The following PRPF4 variants were observed in gnomAD, a reference collection of about 807,000 sequenced individuals.
PRPF4 encodes U4/U6 small nuclear ribonucleoprotein Prp4.
Under a neutral mutation model 72.2 loss-of-function variants are expected in PRPF4, and 14 were observed. The observed-to-expected ratio is 0.19, with a 90% CI of 0.13 to 0.30. The LOEUF (loss-of-function observed/expected upper bound fraction) is 0.30, where lower values mean the gene tolerates loss of function less well. Ranked by LOEUF, PRPF4 falls within the 10% of genes least tolerant of loss-of-function variation. PRPF4 has a pLI of 1.00. For synonymous variants in PRPF4, 225 were observed against 232.2 expected (o/e 0.97, Z 0.28); for missense variants, 478 against 653.9 (o/e 0.73, Z 2.93).
In PRPF4 at chr9:113,288,282, T is replaced by C. The variant is rs777825249; in HGVS notation, c.1022+18T>C. The C allele has an allele frequency of 1.2e-6, 2 of 1,611,428 alleles. No individual in the cohort carries two copies. On this transcript the variant is annotated intron_variant, in intron 10 of 13. Coordinates refer to ENST00000374198, the MANE Select transcript of PRPF4 (RefSeq NM_001244926.2). ...ACCACCTGGTGAGCCATCCTGTTAT[T>C]GTTTTATCCATATAGGCCTGTAGCA... is the stretch of plus-strand genomic sequence containing the variant.
chr9:113,284,197 A>C, intron 6 of PRPF4, 98 bp from the exon 7 acceptor site: 1 of 918,684 alleles, frequency 1.1e-6, no homozygotes, highest in Non-Finnish European at 1.7e-6. Context: ...GTTAAAACTG[A>C]AAAGCTGCTT....
At chr9:113,282,814 T>G in intron 4 of PRPF4, 81 bp downstream of exon 4, 1 of 1,229,346 alleles carries the variant, frequency 8.1e-7, no homozygotes, top group Admixed American at 2.2e-5. Context: ...TTCAATGGTT[T>G]GTTTTGCTGA....
intron 10 of PRPF4, among the ~76,000 whole-genome samples, chr9:113,288,737 A>G (rs1210391539): frequency 1.3e-5 from 2 of 152,088 alleles, no homozygotes; most frequent in African/African-American, 4.8e-5. Flanking sequence ...GCGCCCAGCC[A>G]TATTTGCCTT....
At chr9:113,281,921 G>A (rs1195623640) in intron 3 of PRPF4, among the ~76,000 whole-genome samples, 1 of 152,064 alleles carries the variant, frequency 6.6e-6, no homozygotes, top group Non-Finnish European at 1.5e-5. Context: ...GTTTCCCCAG[G>A]ACTAAGCTAC....
chr9:113,287,541 G>T (rs886710188), intron 9 of PRPF4, among the ~76,000 whole-genome samples: 7 of 150,914 alleles, frequency 4.6e-5, no homozygotes, highest in African/African-American at 1.7e-4. Flanking sequence ...GAATTTAATT[G>T]TTTAGTTTTC....
chr9:113,282,640 T>TA lies in PRPF4; in HGVS notation c.393-4dup. 6.4e-7 allele frequency: 1 copy of TA among 1,561,968 alleles called. No homozygotes were observed. The highest frequency in any genetic ancestry group is 8.7e-7 in the Non-Finnish European group (1 of 1,152,562). On this transcript the variant is annotated splice_region_variant and splice_polypyrimidine_tract_variant and intron_variant, in intron 3 of 13. Transcript: ENST00000374198. ...AAATTCTGATCTTTTTTTTTTTTTT[T>TA]AACAGGTTAAGAAATATCCTCTCAG...
intron 7 of PRPF4, 25 bp downstream of exon 7, chr9:113,284,414 T>G: frequency 1.9e-6 from 3 of 1,565,818 alleles, no homozygotes; most frequent in Non-Finnish European, 2.6e-6. Context: ...ACAATGACAT[T>G]TTTTCCTAAA....
chr9:113,281,475 C>G (rs1180692818), intron 3 of PRPF4, among the ~76,000 whole-genome samples: 1 of 152,154 alleles, frequency 6.6e-6, no homozygotes, highest in African/African-American at 2.4e-5. Flanking sequence ...TCTGATTTCC[C>G]TGCCATTATT....
intron 10 of PRPF4, 66 bp downstream of exon 10, chr9:113,288,330 T>C: frequency 6.9e-7 from 1 of 1,447,790 alleles, no homozygotes; most frequent in African/African-American, 1.4e-5. Flanking sequence ...TTTATGGCTA[T>C]CTGCCAGGTA....
rs1186919140 is a variant in PRPF4, at chr9:113,291,721, GAGA to G, written c.*66_*68del. On this transcript the variant is annotated 3_prime_UTR_variant, in exon 14 of 14. Coordinates refer to ENST00000374198, the MANE Select transcript of PRPF4 (RefSeq NM_001244926.2). ...CTCTAAGGAGCTGTTTTCCTCAAACGAGAAGAATTGAAGTGTTTAGTTCTATCA... is the reference window on the plus strand; with the variant it reads ...CTCTAAGGAGCTGTTTTCCTCAAACGAGAATTGAAGTGTTTAGTTCTATCA... The G allele has an allele frequency of 2.1e-5, 32 of 1,503,816 alleles. No homozygotes were observed. The highest frequency in any genetic ancestry group is 5.5e-5 in the Admixed American group (3 of 54,532). The allele number at this position is 1,503,816 out of a possible 1,614,324, so 93.2% of individuals were successfully genotyped here. A position where few individuals can be genotyped will look rare whatever the true frequency, so the allele number is the denominator to read the frequency against.
intron 2 of PRPF4, among the ~76,000 whole-genome samples, chr9:113,277,777 G>A (rs919883979): frequency 5.3e-5 from 8 of 152,178 alleles, no homozygotes; most frequent in Non-Finnish European, 1.0e-4. Flanking sequence ...AGAAGCGGGA[G>A]TCTGGCTTGA....
At chr9:113,283,774 CT>C (rs1209127516) in intron 6 of PRPF4, among the ~76,000 whole-genome samples, 1 of 152,076 alleles carries the variant, frequency 6.6e-6, no homozygotes, top group Non-Finnish European at 1.5e-5. Context: ...GATCCTAAGA[CT>C]GTAGAAAACA....
chr9:113,282,476 A>AG (rs1427645404), intron 3 of PRPF4, among the ~76,000 whole-genome samples, 170 bp from the exon 4 acceptor site: 1 of 92,874 alleles, frequency 1.1e-5, no homozygotes, highest in Non-Finnish European at 2.5e-5. Context: ...TCTCTTAAAA[A>AG]GAAAAAAAAA....
chr9:113,276,544 G>C lies in PRPF4; in HGVS notation c.28-4G>C, dbSNP rs756810819. ...TAGTTTAATGCAGATCTTTGATTTAGCAGGCAACCAAAACTAAAGCACCCG... is the reference window on the plus strand; with the variant it reads ...TAGTTTAATGCAGATCTTTGATTTACCAGGCAACCAAAACTAAAGCACCCG... On this transcript the variant is annotated splice_region_variant and splice_polypyrimidine_tract_variant and intron_variant, in intron 1 of 13. Transcript: ENST00000374198. 2 of 1,614,082 alleles carry C rather than the reference G, an allele frequency of 1.2e-6. No individual in the cohort carries two copies. The highest frequency in any genetic ancestry group is 1.7e-6 in the Non-Finnish European group (2 of 1,179,976).
chr9:113,283,356 G>T (rs745784298), intron 5 of PRPF4, 33 bp from the exon 6 acceptor site: 18 of 1,613,956 alleles, frequency 1.1e-5, no homozygotes, highest in Non-Finnish European at 1.4e-5. Context: ...TTACAACCCT[G>T]TTGCTCCTGG....
rs777649350 is a variant in PRPF4 at position 113,283,124 on chromosome 9, C to A, written c.481-8C>A. ...ATTTGACCTTTCTGCTCTTAATTTG[C>A]CTTTCAGTATCAGCAAACCTGGTAT... On this transcript the variant is annotated splice_region_variant and splice_polypyrimidine_tract_variant and intron_variant, in intron 4 of 13. Transcript: ENST00000374198. 1 of 1,614,088 alleles carries A rather than the reference C, an allele frequency of 6.2e-7. No individual in the cohort carries two copies. The highest frequency in any genetic ancestry group is 2.2e-5 in the East Asian group (1 of 44,884).
intron 1 of PRPF4, among the ~76,000 whole-genome samples, chr9:113,276,236 C>G (rs1002076519): frequency 2.6e-5 from 4 of 152,204 alleles, no homozygotes; most frequent in Non-Finnish European, 2.9e-5. Context: ...ATCCGGGAAG[C>G]ATAAAACACG....
At chr9:113,288,011 G>A (rs1832499521) in intron 9 of PRPF4, among the ~76,000 whole-genome samples, 164 bp from the exon 10 acceptor site, 1 of 152,186 alleles carries the variant, frequency 6.6e-6, no homozygotes, top group Non-Finnish European at 1.5e-5. Flanking sequence ...GTACTCCTTT[G>A]GTGCAGAATG....
Position 113,290,927 on chromosome 9 carries a change from A to G in PRPF4, c.1283A>G (p.Asn428Ser). ...CACATTGCAACCGGCAGTGGTGACA[A>G]CACCTGCAAAGTGTGGGACCTCCGA... is the stretch of plus-strand genomic sequence containing the variant. Reference protein sequence around the residue: ...GYHIATGSGDNTCKVWDLRQR... With the variant: ...GYHIATGSGDSTCKVWDLRQR... Residue 428 changes from asparagine to serine, a missense_variant, in exon 13 of 14, where the codon AAC becomes AGC. Asn to Ser is a conservative substitution (Grantham distance 46, BLOSUM62 1). Transcript: ENST00000374198. The G allele has an allele frequency of 6.2e-7, 1 of 1,614,210 alleles. No individual in the cohort carries two copies. Among genetic ancestry groups the G allele is most frequent in the Non-Finnish European group, 8.5e-7 (1 of 1,180,032 alleles).
Sources: gnomAD v4.1 joint callset for allele counts (sites outside exome capture counted in the v4.1 genomes callset) on GRCh38, gnomAD v4.1.1 for gene constraint, MANE v1.5 for transcripts, NCBI Gene and HGNC (gene_info 2026-07-23, HGNC 2026-07-21) for gene names.